Variants in UGT1A6 observed in about 807,000 individuals in gnomAD.
UGT1A6 encodes the protein UDP-glucuronosyltransferase 1A6.
A neutral mutation model predicts 44.4 loss-of-function variants in UGT1A6; 32 were observed. The observed-to-expected ratio is 0.72, with a 90% confidence interval of 0.54 to 0.97. The LOEUF (loss-of-function observed/expected upper bound fraction) is 0.97, where lower values mean the gene tolerates loss of function less well. Ranked by LOEUF, UGT1A6 falls within the 50% of genes least tolerant of loss-of-function variation. UGT1A6 has a pLI of 0.00. For missense variants in UGT1A6, 685 were observed against 661.9 expected, an observed-to-expected ratio of 1.03 and a Z score of -0.38; for synonymous variants, 238 against 248.5, an observed-to-expected ratio of 0.96 and a Z score of 0.40.
At chr2:233,725,591 T>G (rs1479177749) in intron 1 of UGT1A6, among the ~76,000 whole-genome samples, 1 of 152,130 alleles carries the variant, frequency 6.6e-6, no homozygotes, top group Non-Finnish European at 1.5e-5. Context: ...ACTTAACTAT[T>G]TGACATAGTT....
Position 233,693,151 on chromosome 2 carries a change from C to T in UGT1A6, c.147C>T (p.Leu49=). Residue 49 remains leucine (L), a synonymous_variant, in exon 1 of 5, where the codon CTC becomes CTT. Coordinates refer to ENST00000305139, the MANE Select transcript of UGT1A6 (RefSeq NM_001072.4). Reference sequence around the variant, plus strand: ...GTATGAAGGATATAGTTGAGGTTCTCAGTGACCGGGGTCATGAGATTGTAG... The same window carrying T: ...GTATGAAGGATATAGTTGAGGTTCTTAGTGACCGGGGTCATGAGATTGTAG... ...WLSMKDIVEV[L]SDRGHEIVVV... is the part of the protein sequence containing the mutation. The T allele has an allele frequency of 6.2e-7, 1 of 1,614,208 alleles. No individual in the cohort carries two copies. The highest frequency in any genetic ancestry group is 8.5e-7 in the Non-Finnish European group (1 of 1,180,030).
intron 1 of UGT1A6, among the ~76,000 whole-genome samples, chr2:233,701,689 A>C (rs2075646805): frequency 6.6e-6 from 1 of 152,184 alleles, no homozygotes; most frequent in African/African-American, 2.4e-5. Context: ...AATTAAGAAA[A>C]TCACTCAAAA....
At chr2:233,733,439 G>A (rs1332999216) in intron 1 of UGT1A6, among the ~76,000 whole-genome samples, 1 of 152,168 alleles carries the variant, frequency 6.6e-6, no homozygotes, top group East Asian at 1.9e-4. Context: ...GATATTGGCT[G>A]CGGGTTTGTC....
In UGT1A6 at chr2:233,746,980, G is replaced by A. The variant is rs1162758884; in HGVS notation, c.862-20054G>A. On this transcript the variant is annotated intron_variant, in intron 1 of 4. Transcript: ENST00000305139. Reference sequence around the variant, plus strand: ...AACTTGGATGTTCCCCAGAGCGAGCGCAGGGTCAGATGAGTTTTTCAAGTA... The same window carrying A: ...AACTTGGATGTTCCCCAGAGCGAGCACAGGGTCAGATGAGTTTTTCAAGTA... Among the ~76,000 whole-genome samples, 6 of 151,766 alleles carry A rather than the reference G, an allele frequency of 4.0e-5. 1 individual carries two copies. Among genetic ancestry groups the A allele is most frequent in the African/African-American group, 1.2e-4 (5 of 41,068 alleles).
At chr2:233,700,498 G>C (rs954320934) in intron 1 of UGT1A6, among the ~76,000 whole-genome samples, 1 of 152,108 alleles carries the variant, frequency 6.6e-6, no homozygotes, top group Non-Finnish European at 1.5e-5. Flanking sequence ...TAAAAGCCTA[G>C]AAACTTGACT....
intron 1 of UGT1A6, among the ~76,000 whole-genome samples, chr2:233,752,728 G>C (rs546811491): frequency 1.3e-5 from 2 of 152,320 alleles, no homozygotes; most frequent in South Asian, 4.1e-4. Flanking sequence ...AACAGCTACA[G>C]AGAGAGACCC....
chr2:233,772,462 T>C lies in UGT1A6; in HGVS notation c.1502T>C (p.Val501Ala), dbSNP rs752117935. The C allele has an allele frequency of 6.2e-7, 1 of 1,614,170 alleles. No homozygotes were observed. Among genetic ancestry groups the C allele is most frequent in the South Asian group, 1.1e-5 (1 of 91,082 alleles). ...TTCCTCTTGGCCGTCGTGCTGACAG[T>C]GGCCTTCATCACCTTTAAATGTTGT... is the stretch of plus-strand genomic sequence containing the variant. ...IGFLLAVVLTVAFITFKCCAY... is the reference protein window; with the variant it reads ...IGFLLAVVLTAAFITFKCCAY... Residue 501 changes from valine to alanine, a missense_variant, in exon 5 of 5, where the codon GTG becomes GCG. Physicochemically the swap from Val to Ala is moderately conservative, Grantham distance 64. Transcript: ENST00000305139.
intron 1 of UGT1A6, among the ~76,000 whole-genome samples, chr2:233,710,740 G>T (rs1041817695): frequency 2.0e-5 from 3 of 152,172 alleles, no homozygotes; most frequent in African/African-American, 7.2e-5. Context: ...GTCTTTCAAG[G>T]AGCAAAAGTT....
In UGT1A6 at chr2:233,772,242, G is replaced by A. The variant is rs762612938; in HGVS notation, c.1302-20G>A. ...ATACCACAGGTGTTCCAGGCATAAC[G>A]AAACTGTCTTTGTGTTTAGTTACAA... On this transcript the variant is annotated intron_variant, in intron 4 of 4. Transcript: ENST00000305139. 5.6e-6 allele frequency: 9 copies of A among 1,614,002 alleles called. No individual in the cohort carries two copies. Among genetic ancestry groups the A allele is most frequent in the East Asian group, 4.5e-5 (2 of 44,900 alleles).
At chr2:233,715,843 A>G (rs1265547355) in intron 1 of UGT1A6, among the ~76,000 whole-genome samples, 1 of 152,196 alleles carries the variant, frequency 6.6e-6, no homozygotes, top group Non-Finnish European at 1.5e-5. Context: ...TAAAACTCCA[A>G]TATGAAAAGC....
At chr2:233,719,378 G>T in intron 1 of UGT1A6, 1 of 1,613,952 alleles carries the variant, frequency 6.2e-7, no homozygotes, top group Non-Finnish European at 8.5e-7. Flanking sequence ...AGGGCACACA[G>T]TGTCCAAATC....
intron 1 of UGT1A6, among the ~76,000 whole-genome samples, chr2:233,728,649 T>C (rs1297115247): frequency 6.6e-6 from 1 of 152,186 alleles, no homozygotes; most frequent in Non-Finnish European, 1.5e-5. Flanking sequence ...GTATGGTTTT[T>C]GGATGCGCTG....
chr2:233,766,377 A>G (rs1392093575), intron 1 of UGT1A6, among the ~76,000 whole-genome samples: 1 of 151,914 alleles, frequency 6.6e-6, no homozygotes. Flanking sequence ...AGTTCTTCTC[A>G]ATGTCCAGCT....
At chr2:233,743,149 A>G in intron 1 of UGT1A6, 1 of 356,554 alleles carries the variant, frequency 2.8e-6, no homozygotes, top group South Asian at 2.1e-5. Flanking sequence ...AAAGTCCGCT[A>G]TTCCTCCAGA....
chr2:233,729,531 G>A (rs757870746), intron 1 of UGT1A6: 11 of 1,614,140 alleles, frequency 6.8e-6, no homozygotes, highest in Non-Finnish European at 9.3e-6. Context: ...TACATAATGA[G>A]GCCCTGATCA....
chr2:233,693,046 G>C lies in UGT1A6; in HGVS notation c.42G>C (p.Gly14=), dbSNP rs1259258611. 1.9e-6 allele frequency: 3 copies of C among 1,614,028 alleles called. No individual in the cohort carries two copies. In the African/African-American group the frequency reaches 4.0e-5, roughly 22 times the overall value. ...LLRSFQRISA[G]VFFLALWGMV... ...GCTCATTTCAGAGAATTTCTGCAGG[G>C]GTTTTCTTCTTAGCACTTTGGGGCA... Residue 14 remains glycine (G), a synonymous_variant, in exon 1 of 5, where the codon GGG becomes GGC. Coordinates refer to ENST00000305139, the MANE Select transcript of UGT1A6 (RefSeq NM_001072.4).
At chr2:233,726,664 T>G (rs2077549930) in intron 1 of UGT1A6, among the ~76,000 whole-genome samples, 1 of 152,168 alleles carries the variant, frequency 6.6e-6, no homozygotes, top group South Asian at 2.1e-4. Flanking sequence ...TTTAATCATA[T>G]CTGTGAAGTC....
chr2:233,721,853 G>A, intron 1 of UGT1A6: 2 of 512,954 alleles, frequency 3.9e-6, no homozygotes, highest in South Asian at 2.8e-5. Flanking sequence ...CAGCCCCACT[G>A]CTCGGCCCTG....
chr2:233,693,598 G>A lies in UGT1A6; in HGVS notation c.594G>A (p.Lys198=). ...PVSYIPRCYT[K]FSDHMTFSQR... ...CCTACATTCCCAGGTGCTACACAAA[G>A]TTTTCAGACCACATGACTTTTTCCC... The change falls in exon 1 of 5, where the codon AAG becomes AAA. Residue 198 remains lysine, a synonymous_variant. Transcript: ENST00000305139. 1 of 1,614,182 alleles carries A rather than the reference G, an allele frequency of 6.2e-7. No homozygotes were observed. The highest frequency in any genetic ancestry group is 8.5e-7 in the Non-Finnish European group (1 of 1,180,032).
Sources: allele counts gnomAD v4.1 joint callset (sites outside exome capture counted in the v4.1 genomes callset), GRCh38; gene constraint gnomAD v4.1.1; transcripts MANE v1.5; gene names NCBI Gene and HGNC (gene_info 2026-07-23, HGNC 2026-07-21).